The following CAMK2D variants were observed in gnomAD, a reference collection of about 807,000 sequenced individuals.
CAMK2D encodes the protein calcium/calmodulin dependent protein kinase II delta.
CAMK2D carries 37 observed loss-of-function variants against 84.0 expected under a neutral mutation model. The observed-to-expected ratio is 0.44, with a 90% CI of 0.34 to 0.58. CAMK2D has a LOEUF of 0.58. Among genes scored for constraint, CAMK2D ranks in the 20% least tolerant of loss-of-function variants. The pLI, the probability that CAMK2D is intolerant of heterozygous loss-of-function variation, is 0.02. For synonymous variants in CAMK2D, 202 were observed against 212.5 expected (o/e 0.95, Z 0.43); for missense variants, 448 against 652.5 (o/e 0.69, Z 3.41).
At position 113,467,650 on chromosome 4, in the gene CAMK2D, TTTGA is replaced by T. The variant is rs753676296; in HGVS notation, c.1136-2050_1136-2047del. Among the ~76,000 whole-genome samples the T allele has an allele frequency of 3.9e-5, 6 of 152,334 alleles. No homozygotes were observed. In the East Asian group the frequency reaches 9.6e-4, roughly 24 times the overall value. On this transcript the variant is annotated intron_variant, in intron 16 of 20. Coordinates refer to ENST00000511664, the MANE Select transcript of CAMK2D (RefSeq NM_001321571.2). ...CCAAAACATTTCTTGCCCTTGCTCATTTGATTGATGAATATCAATAATACATTCA... is the reference window on the plus strand; with the variant it reads ...CCAAAACATTTCTTGCCCTTGCTCATTTGATGAATATCAATAATACATTCA...
intron 3 of CAMK2D, among the ~76,000 whole-genome samples, chr4:113,658,066 C>A (rs2099210158): frequency 6.6e-6 from 1 of 152,094 alleles, no homozygotes; most frequent in Non-Finnish European, 1.5e-5. Flanking sequence ...GTGCGATGAT[C>A]GACAGGAACT....
At chr4:113,655,269 A>T (rs2099194002) in intron 3 of CAMK2D, among the ~76,000 whole-genome samples, 1 of 152,122 alleles carries the variant, frequency 6.6e-6, no homozygotes, top group South Asian at 2.1e-4. Flanking sequence ...AGAGCTTTCC[A>T]TTAACACTAT....
intron 4 of CAMK2D, 111 bp from the exon 5 acceptor site, chr4:113,552,207 A>C (rs78293731): frequency 0.022 from 13,037 of 589,944 alleles, 606 homozygotes; most frequent in African/African-American, 0.14. Flanking sequence ...TTTAAAAAAA[A>C]TCAAAACTTT....
intron 3 of CAMK2D, among the ~76,000 whole-genome samples, chr4:113,652,710 T>G (rs1228046165): frequency 6.6e-6 from 1 of 152,124 alleles, no homozygotes; most frequent in Non-Finnish European, 1.5e-5. Context: ...TCCAATACCC[T>G]GTTAGGGGAT....
At chr4:113,698,358 T>C (rs969043369) in intron 2 of CAMK2D, among the ~76,000 whole-genome samples, 1 of 152,032 alleles carries the variant, frequency 6.6e-6, no homozygotes, top group Non-Finnish European at 1.5e-5. Context: ...GACTTGGACA[T>C]GTAACCAAAG....
At chr4:113,483,638 C>A (rs902902527) in intron 16 of CAMK2D, among the ~76,000 whole-genome samples, 2 of 151,908 alleles carry the variant, frequency 1.3e-5, no homozygotes, top group Non-Finnish European at 1.5e-5. Context: ...ACTCCGGACC[C>A]CAGGTGATCC....
chr4:113,602,019 A>T (rs1427474245), intron 4 of CAMK2D, among the ~76,000 whole-genome samples: 2 of 151,996 alleles, frequency 1.3e-5, no homozygotes, highest in East Asian at 1.9e-4. Flanking sequence ...ACAAATGATG[A>T]TCTTGAAACA....
chr4:113,598,332 T>A (rs1359039498), intron 4 of CAMK2D, among the ~76,000 whole-genome samples: 4 of 149,354 alleles, frequency 2.7e-5, no homozygotes, highest in Non-Finnish European at 4.5e-5. Context: ...AAAACTCACA[T>A]TAAAAAAAAA....
At chr4:113,576,891 A>T (rs2098785718) in intron 4 of CAMK2D, among the ~76,000 whole-genome samples, 1 of 152,086 alleles carries the variant, frequency 6.6e-6, no homozygotes, top group African/African-American at 2.4e-5. Flanking sequence ...TTTGTTAATT[A>T]TAATTGTGAA....
intron 20 of CAMK2D, 116 bp from the exon 21 acceptor site, chr4:113,454,631 T>C: frequency 1.5e-6 from 1 of 679,082 alleles, no homozygotes; most frequent in Admixed American, 2.0e-5. Flanking sequence ...AACAAATAGA[T>C]TGAAAACACT....
chr4:113,617,611 G>C, intron 3 of CAMK2D, among the ~76,000 whole-genome samples: 1 of 149,440 alleles, frequency 6.7e-6, no homozygotes, highest in African/African-American at 2.4e-5. Flanking sequence ...TTCCTGAGAA[G>C]GCACATCCCT....
intron 2 of CAMK2D, among the ~76,000 whole-genome samples, chr4:113,689,202 T>G (rs1367047037): frequency 6.6e-6 from 1 of 152,022 alleles, no homozygotes; most frequent in South Asian, 2.1e-4. Flanking sequence ...GCTGAGATTG[T>G]GCCACTGCAC....
intron 4 of CAMK2D, among the ~76,000 whole-genome samples, chr4:113,558,012 T>A (rs2098677006): frequency 6.6e-6 from 1 of 152,118 alleles, no homozygotes. Flanking sequence ...GTTCTTGGAG[T>A]TGAACCTGGG....
chr4:113,462,041 A>ATG (rs1424699819), intron 17 of CAMK2D, among the ~76,000 whole-genome samples: 1 of 152,172 alleles, frequency 6.6e-6, no homozygotes, highest in Non-Finnish European at 1.5e-5. Context: ...TCAAATATAT[A>ATG]TAGTCTCTTT....
At position 113,533,477 on chromosome 4, in the gene CAMK2D, C is replaced by CTTACTTTGAAACATTACTTTGAAACA. The variant is rs1239592662; in HGVS notation, c.518-2179_518-2178insTGTTTCAAAGTAATGTTTCAAAGTAA. On this transcript the variant is annotated intron_variant, in intron 7 of 20. Transcript: ENST00000511664. Reference sequence around the variant, plus strand: ...CCTTTTTTAGGGATAGCATATGTTTCTTACTTTGAAAAACCAATAAGAAAA... The same window carrying CTTACTTTGAAACATTACTTTGAAACA: ...CCTTTTTTAGGGATAGCATATGTTTCTTACTTTGAAACATTACTTTGAAACATTACTTTGAAAAACCAATAAGAAAA... Among the ~76,000 whole-genome samples the CTTACTTTGAAACATTACTTTGAAACA allele has an allele frequency of 4.6e-5, 7 of 152,036 alleles. No individual in the cohort carries two copies. In the East Asian group the frequency reaches 9.7e-4, roughly 21 times the overall value.
intron 3 of CAMK2D, among the ~76,000 whole-genome samples, chr4:113,653,554 G>A (rs1034545714): frequency 6.6e-6 from 1 of 151,908 alleles, no homozygotes; most frequent in Non-Finnish European, 1.5e-5. Context: ...AAACTGCGTC[G>A]CTTTCTTAGA....
At chr4:113,508,671 T>G (rs1222963067) in intron 13 of CAMK2D, among the ~76,000 whole-genome samples, 3 of 152,122 alleles carry the variant, frequency 2.0e-5, no homozygotes, top group African/African-American at 7.2e-5. Context: ...CTAAAGGAAA[T>G]CACAAATGCA....
chr4:113,693,711 G>A (rs989479737), intron 2 of CAMK2D, among the ~76,000 whole-genome samples: 1 of 152,032 alleles, frequency 6.6e-6, no homozygotes, highest in Non-Finnish European at 1.5e-5. Context: ...GGACAGATAT[G>A]GCTATCACCA....
chr4:113,731,049 T>C (rs1286858836), intron 2 of CAMK2D, among the ~76,000 whole-genome samples: 1 of 151,888 alleles, frequency 6.6e-6, no homozygotes, highest in Non-Finnish European at 1.5e-5. Context: ...TCAGATTTTA[T>C]TTGTCATTCA....
Sources: allele counts gnomAD v4.1 joint callset (sites outside exome capture counted in the v4.1 genomes callset), GRCh38; gene constraint gnomAD v4.1.1; transcripts MANE v1.5; gene names NCBI Gene and HGNC (gene_info 2026-07-23, HGNC 2026-07-21).